The following NFIB variants were observed in gnomAD, a reference collection of about 807,000 sequenced individuals.
NFIB encodes the protein nuclear factor I B.
NFIB carries 11 observed loss-of-function variants against 61.5 expected under a neutral mutation model. The observed-to-expected ratio is 0.18, with a 90% confidence interval of 0.11 to 0.30. The LOEUF (loss-of-function observed/expected upper bound fraction) is 0.30, where lower values mean the gene tolerates loss of function less well. Among genes scored for constraint, NFIB ranks in the 10% least tolerant of loss-of-function variants. The pLI is 1.00. For synonymous variants in NFIB, 260 were observed against 216.5 expected, an observed-to-expected ratio of 1.20 and a Z score of -1.76; for missense variants, 471 against 608.9, an observed-to-expected ratio of 0.77 and a Z score of 2.38.
chr9:14,377,501 G>A (rs914862114), intron 1 of NFIB, among the ~76,000 whole-genome samples: 1 of 152,308 alleles, frequency 6.6e-6, no homozygotes, highest in Middle Eastern at 3.4e-3. Context: ...ACAGGCAAGA[G>A]CCACCGTGCC....
rs891836055 is a variant in NFIB, at chr9:14,358,391, T to A, written c.108+40133A>T. 3.9e-5 allele frequency among the ~76,000 whole-genome samples: 6 copies of A among 152,284 alleles called. No homozygotes were observed. The East Asian group carries it at 1.2e-3, about 29-fold the overall frequency. On this transcript the variant is annotated intron_variant, in intron 1 of 8. Coordinates refer to the NFIB transcript ENST00000380934. ...ATGTGTCCAGGCTTAAAAAGCCAGA[T>A]TTTATGGGCTAACTAAAATGGAAAT...
At chr9:14,203,030 A>G (rs751723349) in intron 2 of NFIB, among the ~76,000 whole-genome samples, 1 of 152,236 alleles carries the variant, frequency 6.6e-6, no homozygotes, top group East Asian at 1.9e-4. Context: ...AAACAGTCTC[A>G]TGCCTTGCAG....
intron 2 of NFIB, among the ~76,000 whole-genome samples, chr9:14,298,940 G>A (rs188268782): frequency 1.1e-3 from 174 of 152,262 alleles, no homozygotes; most frequent in African/African-American, 3.9e-3. Flanking sequence ...AGCTGAGACC[G>A]ACCTCATAAA....
chr9:14,464,179 G>C, the NFIB span, among the ~76,000 whole-genome samples: 640 of 152,272 alleles, frequency 4.2e-3, 9 homozygotes, highest in African/African-American at 0.014. Flanking sequence ...GAGAGACCAG[G>C]ATGATAATCA....
At chr9:14,305,980 A>G (rs1484347286) in intron 2 of NFIB, 11 of 1,358,314 alleles carry the variant, frequency 8.1e-6, no homozygotes, top group African/African-American at 1.5e-5. Context: ...AAGGACATCT[A>G]TATCTTGATG....
In NFIB at chr9:14,260,133, A is replaced by C. The variant is rs2056612927; in HGVS notation, c.562+46856T>G. Among the ~76,000 whole-genome samples the C allele has an allele frequency of 2.0e-5, 3 of 152,184 alleles. No homozygotes were observed. The South Asian group carries it at 6.2e-4, about 32-fold the overall frequency. Reference sequence around the variant, plus strand: ...ACAAGACACTGGGGTGAGAACACGTAGAGAAGAGTCCAAGTGCACTGAGAA... The same window carrying C: ...ACAAGACACTGGGGTGAGAACACGTCGAGAAGAGTCCAAGTGCACTGAGAA... On this transcript the variant is annotated intron_variant, in intron 2 of 10. Coordinates refer to ENST00000380953, the MANE Select transcript of NFIB (RefSeq NM_001190737.2).
At chr9:14,328,579 C>T (rs1463578105) in intron 1 of NFIB, among the ~76,000 whole-genome samples, 1 of 151,990 alleles carries the variant, frequency 6.6e-6, no homozygotes, top group Non-Finnish European at 1.5e-5. Context: ...ACAGTCCCAT[C>T]ACCTAAAAAA....
intron 2 of NFIB, among the ~76,000 whole-genome samples, chr9:14,280,139 G>A (rs1271366046): frequency 6.6e-6 from 1 of 152,160 alleles, no homozygotes; most frequent in Non-Finnish European, 1.5e-5. Context: ...AAGGAGGTTA[G>A]TCCTATCCTG....
At chr9:14,429,560 A>T in the NFIB span, among the ~76,000 whole-genome samples, 1 of 152,232 alleles carries the variant, frequency 6.6e-6, no homozygotes, top group African/African-American at 2.4e-5. Context: ...TCAATGTCTC[A>T]TGCTTCCTAT....
chr9:14,490,775 C>T, the NFIB span, among the ~76,000 whole-genome samples: 16 of 152,120 alleles, frequency 1.1e-4, no homozygotes, highest in South Asian at 4.1e-4. Context: ...AACGCTACCA[C>T]GCACTGGCAA....
chr9:14,431,446 T>C, the NFIB span, among the ~76,000 whole-genome samples: 1 of 152,196 alleles, frequency 6.6e-6, no homozygotes, highest in African/African-American at 2.4e-5. Flanking sequence ...GGAGGCTGGA[T>C]GGTGGGTGAG....
At chr9:14,409,106 G>C in the NFIB span, among the ~76,000 whole-genome samples, 9,975 of 152,160 alleles carry the variant, frequency 0.066, 341 homozygotes, top group African/African-American at 0.079. Flanking sequence ...TTTAGTGTTT[G>C]TTGACATGCA....
intron 1 of NFIB, among the ~76,000 whole-genome samples, chr9:14,395,149 G>C (rs1412947656): frequency 1.3e-5 from 2 of 151,948 alleles, no homozygotes; most frequent in Non-Finnish European, 2.9e-5. Context: ...TGTATGCTGT[G>C]ACAGAGCACC....
At chr9:14,141,498 G>A (rs561572396) in intron 6 of NFIB, among the ~76,000 whole-genome samples, 150 of 152,028 alleles carry the variant, frequency 9.9e-4, no homozygotes, top group Non-Finnish European at 1.8e-3. Context: ...GCATGGAGTC[G>A]GTTCTCTCAT....
Position 14,150,179 on chromosome 9 carries a change from T to G in NFIB, c.772A>C (p.Asn258His). ...PYYHDMNSGV[N>H]LQRSLSSPPS... Reference sequence around the variant, plus strand: ...GGAGAAGACAGAGACCTCTGAAGATTGACCCCCGAGTTCATGTCATGATAG... The same window carrying G: ...GGAGAAGACAGAGACCTCTGAAGATGGACCCCCGAGTTCATGTCATGATAG... The change falls in exon 5 of 11, where the codon AAT becomes CAT. Residue 258 changes from asparagine (N) to histidine (H), a missense_variant. By Grantham distance (68) the Asn-to-His change is moderately conservative (BLOSUM62 1). This residue lies in a region of NFIB where 372 missense variants were observed against 395.6 expected (regional missense o/e 0.94). Transcript: ENST00000380953. 6.2e-7 allele frequency: 1 copy of G among 1,613,518 alleles called. No homozygotes were observed.
chr9:14,503,326 C>T, the NFIB span, among the ~76,000 whole-genome samples: 1 of 152,190 alleles, frequency 6.6e-6, no homozygotes, highest in South Asian at 2.1e-4. Flanking sequence ...ATTGCCGGAT[C>T]AAATGGTGGA....
chr9:14,163,563 C>G (rs959230323), intron 3 of NFIB, among the ~76,000 whole-genome samples: 3 of 151,648 alleles, frequency 2.0e-5, no homozygotes, highest in African/African-American at 4.8e-5. Context: ...ATAAAAGGCA[C>G]AATTAATAAA....
intron 2 of NFIB, among the ~76,000 whole-genome samples, chr9:14,192,591 G>C (rs1462654908): frequency 6.6e-6 from 1 of 152,198 alleles, no homozygotes; most frequent in East Asian, 1.9e-4. Flanking sequence ...AGGGTGGGAA[G>C]AAAGGAGAAG....
the NFIB span, among the ~76,000 whole-genome samples, chr9:14,448,182 A>G: frequency 3.3e-5 from 5 of 152,184 alleles, no homozygotes; most frequent in Admixed American, 1.3e-4. Flanking sequence ...AGCAAAATCA[A>G]TTCTTGGGGA....
Sources: gnomAD v4.1 joint callset for allele counts (sites outside exome capture counted in the v4.1 genomes callset) on GRCh38, gnomAD v4.1.1 for gene constraint, gnomAD v4.1.1 regional missense constraint, MANE v1.5 for transcripts, NCBI Gene and HGNC (gene_info 2026-07-23, HGNC 2026-07-21) for gene names.